PHLPP1: variants seen among roughly 807,000 people sequenced by gnomAD.
The protein encoded by PHLPP1 is PH domain leucine-rich repeat-containing protein phosphatase 1.
PHLPP1 carries 42 observed loss-of-function variants against 117.2 expected under a neutral mutation model. The ratio of observed to expected loss-of-function variants is 0.36; its 90% confidence interval spans 0.28 to 0.46. The LOEUF (loss-of-function observed/expected upper bound fraction) is 0.46. PHLPP1 is among the 20% of genes least tolerant of loss of function. PHLPP1 has a pLI of 1.00. For synonymous variants in PHLPP1, 1,042 were observed against 970.7 expected, an observed-to-expected ratio of 1.07 and a Z score of -1.37; for missense variants, 2,084 against 2,241.9, an observed-to-expected ratio of 0.93 and a Z score of 1.42.
In PHLPP1 at chr18:62,728,305, A is replaced by T. The variant is rs1001673018; in HGVS notation, c.1576+11046A>T. ...GTGAGACTGACTCAAAAAAAAAAAAAATATTTTTTTTAAAGAAGTGACATA... is the reference window on the plus strand; with the variant it reads ...GTGAGACTGACTCAAAAAAAAAAAATATATTTTTTTTAAAGAAGTGACATA... On this transcript the variant is annotated intron_variant, in intron 1 of 16. Coordinates refer to ENST00000262719, the MANE Select transcript of PHLPP1 (RefSeq NM_194449.4). Among the ~76,000 whole-genome samples the T allele has an allele frequency of 6.6e-5, 10 of 151,808 alleles. No homozygotes were observed. The East Asian group carries it at 7.7e-4, about 12-fold the overall frequency.
At chr18:62,838,159 GT>G (rs1179977179) in intron 2 of PHLPP1, 1 of 152,022 alleles carries the variant, frequency 6.6e-6, no homozygotes, top group Admixed American at 6.5e-5. Context: ...AGTTCTAAGC[GT>G]TTTAAGATTT....
intron 12 of PHLPP1, among the ~76,000 whole-genome samples, chr18:62,957,988 G>A (rs751638296): frequency 3.3e-5 from 5 of 152,158 alleles, no homozygotes; most frequent in Non-Finnish European, 7.4e-5. Context: ...GTTTACAGAT[G>A]TGAGCCACTG....
At chr18:62,961,604 C>G (rs543592456) in intron 13 of PHLPP1, among the ~76,000 whole-genome samples, 6 of 152,242 alleles carry the variant, frequency 3.9e-5, no homozygotes, top group African/African-American at 1.4e-4. Flanking sequence ...TCTTAAGAAA[C>G]CTATTGTATT....
intron 14 of PHLPP1, among the ~76,000 whole-genome samples, chr18:62,965,824 C>G (rs1910884415): frequency 2.0e-5 from 3 of 146,874 alleles, no homozygotes; most frequent in Admixed American, 6.8e-5. Flanking sequence ...TAAGAATGAT[C>G]ACCACTATAC....
chr18:62,723,528 T>C (rs1910983152), intron 1 of PHLPP1, among the ~76,000 whole-genome samples: 1 of 152,238 alleles, frequency 6.6e-6, no homozygotes, highest in African/African-American at 2.4e-5. Flanking sequence ...CTCTATTTCT[T>C]CTGAATCAGA....
chr18:62,815,517 G>T (rs1914247926), intron 1 of PHLPP1, among the ~76,000 whole-genome samples: 1 of 152,146 alleles, frequency 6.6e-6, no homozygotes, highest in African/African-American at 2.4e-5. Context: ...TTAGTTCCTT[G>T]CTGGCTGTTG....
chr18:62,900,627 G>A (rs1916700174), intron 6 of PHLPP1, among the ~76,000 whole-genome samples: 1 of 151,190 alleles, frequency 6.6e-6, no homozygotes, highest in South Asian at 2.1e-4. Context: ...CACCATGGCT[G>A]GCTAATTTTT....
chr18:62,887,022 T>C (rs767951450), intron 4 of PHLPP1, among the ~76,000 whole-genome samples: 12 of 152,156 alleles, frequency 7.9e-5, no homozygotes, highest in Admixed American at 1.3e-4. Flanking sequence ...AAGGTAAATA[T>C]AGTGTTCAGA....
At chr18:62,766,072 AAAAAAT>A (rs1330548049) in intron 1 of PHLPP1, among the ~76,000 whole-genome samples, 1 of 20,210 alleles carries the variant, frequency 4.9e-5, no homozygotes, top group African/African-American at 1.3e-4. Context: ...AAAAAAAAAA[AAAAAAT>A]ATATATATAT....
At chr18:62,797,715 A>G (rs920449182) in intron 1 of PHLPP1, among the ~76,000 whole-genome samples, 5 of 152,218 alleles carry the variant, frequency 3.3e-5, no homozygotes, top group African/African-American at 1.2e-4. Flanking sequence ...ACATTTGTAT[A>G]CCTTTAAGTG....
At chr18:62,887,788 C>T (rs377488192) in intron 4 of PHLPP1, among the ~76,000 whole-genome samples, 31 of 152,120 alleles carry the variant, frequency 2.0e-4, no homozygotes, top group Admixed American at 1.5e-3. Context: ...CCTAGGCTGG[C>T]GTGCTGTGGT....
At chr18:62,868,823 A>G (rs922494453) in intron 4 of PHLPP1, among the ~76,000 whole-genome samples, 3 of 152,182 alleles carry the variant, frequency 2.0e-5, no homozygotes, top group African/African-American at 7.2e-5. Context: ...GAAAGGAGAT[A>G]AAGGAGTCTT....
intron 3 of PHLPP1, among the ~76,000 whole-genome samples, chr18:62,854,693 CTTT>C (rs5825495): frequency 1.2e-4 from 10 of 84,974 alleles, no homozygotes; most frequent in South Asian, 4.2e-4. Context: ...GATCCTGCTA[CTTT>C]TTTTTTTTTT....
chr18:62,879,191 A>G (rs999011092), intron 4 of PHLPP1, among the ~76,000 whole-genome samples: 4 of 152,194 alleles, frequency 2.6e-5, no homozygotes, highest in African/African-American at 9.7e-5. Context: ...TGATTAGGCC[A>G]TGAGGGCTCT....
chr18:62,795,492 C>CAAA (rs11291832), intron 1 of PHLPP1, among the ~76,000 whole-genome samples: 103 of 59,900 alleles, frequency 1.7e-3, no homozygotes, highest in Middle Eastern at 7.9e-3. Flanking sequence ...GACTCCATCT[C>CAAA]AAAAAAAAAA....
rs188541169 is a variant in PHLPP1 at position 62,792,123 on chromosome 18, T to G, written c.1577-37912T>G. 5.7e-3 allele frequency among the ~76,000 whole-genome samples: 861 copies of G among 152,338 alleles called. 3 individuals are homozygous for G. Among genetic ancestry groups the G allele is most frequent in the Middle Eastern group, 0.01 (3 of 294 alleles). ...AAACTCCTCTTTTTATGCTGCAAACTATCATTTTCAGTGACTGCTATGGAA... is the reference window on the plus strand; with the variant it reads ...AAACTCCTCTTTTTATGCTGCAAACGATCATTTTCAGTGACTGCTATGGAA... On this transcript the variant is annotated intron_variant, in intron 1 of 16. Transcript: ENST00000262719.
chr18:62,790,931 G>T (rs1308914268), intron 1 of PHLPP1, among the ~76,000 whole-genome samples: 1 of 152,164 alleles, frequency 6.6e-6, no homozygotes. Flanking sequence ...CAGCTCATGA[G>T]TCTGGGAGAA....
intron 2 of PHLPP1, chr18:62,838,128 G>A (rs1427053006): frequency 6.6e-6 from 1 of 151,948 alleles, no homozygotes; most frequent in Non-Finnish European, 1.5e-5. Context: ...ATTTTGATAT[G>A]TAGTTTTTCT....
At chr18:62,962,336 T>G (rs1910794602) in intron 13 of PHLPP1, among the ~76,000 whole-genome samples, 1 of 152,160 alleles carries the variant, frequency 6.6e-6, no homozygotes, top group Admixed American at 6.5e-5. Context: ...AGACAGAGTT[T>G]CGCTCTTGTT....
Sources: gnomAD v4.1 joint callset for allele counts (sites outside exome capture counted in the v4.1 genomes callset) on GRCh38, gnomAD v4.1.1 for gene constraint, MANE v1.5 for transcripts, NCBI Gene and HGNC (gene_info 2026-07-23, HGNC 2026-07-21) for gene names.